The following EPN2 variants were observed in gnomAD, a reference collection of about 807,000 sequenced individuals.
EPN2 encodes epsin 2.
A neutral mutation model predicts 61.7 loss-of-function variants in EPN2; 34 were observed. The ratio of observed to expected loss-of-function variants is 0.55; its 90% CI spans 0.42 to 0.73. EPN2 has a LOEUF of 0.73. Among genes scored for constraint, EPN2 ranks in the 30% least tolerant of loss-of-function variants. The probability of loss-of-function intolerance (pLI) is 0.00; values close to 1 mark genes in which losing one functional copy is unlikely to be tolerated. For missense variants in EPN2, 714 were observed against 839.2 expected, an observed-to-expected ratio of 0.85 and a Z score of 1.84; for synonymous variants, 349 against 353.6, an observed-to-expected ratio of 0.99 and a Z score of 0.15.
intron 1 of EPN2, among the ~76,000 whole-genome samples, chr17:19,242,525 C>G (rs1371714759): frequency 6.6e-6 from 1 of 152,192 alleles, no homozygotes; most frequent in African/African-American, 2.4e-5. Context: ...ACTCATTCCC[C>G]TAGTACCTAG....
At chr17:19,309,840 A>G in intron 4 of EPN2, 45 bp from the exon 5 acceptor site, 1 of 1,512,096 alleles carries the variant, frequency 6.6e-7, no homozygotes, top group South Asian at 1.1e-5. Flanking sequence ...CAGGAGCTGT[A>G]TCAGCCTTGT....
At chr17:19,273,565 G>C (rs1212239478) in intron 1 of EPN2, among the ~76,000 whole-genome samples, 4 of 152,000 alleles carry the variant, frequency 2.6e-5, no homozygotes, top group East Asian at 1.9e-4. Flanking sequence ...GGTCTTGCTA[G>C]GTTGTCCAGG....
chr17:19,263,283 G>T (rs1042719263), intron 1 of EPN2, among the ~76,000 whole-genome samples: 7 of 152,166 alleles, frequency 4.6e-5, no homozygotes, highest in Non-Finnish European at 1.0e-4. Flanking sequence ...GAAATACTTG[G>T]TGACTAGGAT....
At chr17:19,249,908 T>C (rs1329545653) in intron 1 of EPN2, among the ~76,000 whole-genome samples, 1 of 152,112 alleles carries the variant, frequency 6.6e-6, no homozygotes, top group Non-Finnish European at 1.5e-5. Context: ...TGAGGCCTTT[T>C]GTGTTCCTTG....
intron 4 of EPN2, among the ~76,000 whole-genome samples, chr17:19,292,620 A>G (rs1014567393): frequency 2.0e-5 from 3 of 152,266 alleles, no homozygotes; most frequent in African/African-American, 7.2e-5. Flanking sequence ...TTATTGACAC[A>G]TCTATCCAAG....
intron 4 of EPN2, chr17:19,308,649 G>C (rs1905971945): frequency 1.0e-6 from 1 of 985,326 alleles, no homozygotes; most frequent in South Asian, 4.7e-5. Flanking sequence ...GGAGACCCGG[G>C]AGGAGGACAG....
intron 7 of EPN2, among the ~76,000 whole-genome samples, chr17:19,322,104 A>AT (rs939079296): frequency 5.7e-4 from 86 of 152,142 alleles, no homozygotes; most frequent in African/African-American, 2.0e-3. Context: ...GGGGAGGACG[A>AT]TCTGCATGAG....
chr17:19,241,863 A>G (rs1597964110), intron 1 of EPN2, among the ~76,000 whole-genome samples: 1 of 152,148 alleles, frequency 6.6e-6, no homozygotes, highest in Non-Finnish European at 1.5e-5. Context: ...CCAGGATTCA[A>G]AGTGAATCTG....
intron 6 of EPN2, among the ~76,000 whole-genome samples, chr17:19,312,571 A>G (rs992891708): frequency 2.6e-5 from 4 of 152,186 alleles, no homozygotes; most frequent in African/African-American, 9.7e-5. Flanking sequence ...TGACAAGCTC[A>G]TCATCATCCA....
chr17:19,301,073 C>T (rs192455485), intron 4 of EPN2, among the ~76,000 whole-genome samples: 57 of 152,164 alleles, frequency 3.7e-4, no homozygotes, highest in African/African-American at 1.2e-3. Flanking sequence ...AGCAAAGGCT[C>T]GAGGCAGGAA....
rs1453567306 is a variant in EPN2 at position 19,277,866 on chromosome 17, A to T, written c.-293-4089A>T. Among the ~76,000 whole-genome samples the T allele has an allele frequency of 2.0e-5, 3 of 152,088 alleles. No homozygotes were observed. The East Asian group carries it at 5.8e-4, about 29-fold the overall frequency. On this transcript the variant is annotated intron_variant, in intron 1 of 10. Coordinates refer to ENST00000314728, the MANE Select transcript of EPN2 (RefSeq NM_014964.5). ...GGTGGGCGGATCACGAGGTCAGGAG[A>T]TCGAGACCATCCTGGCTAACACGGT...
intron 6 of EPN2, 34 bp from the exon 7 acceptor site, chr17:19,313,071 A>G: frequency 1.2e-6 from 2 of 1,604,078 alleles, no homozygotes; most frequent in African/African-American, 1.3e-5. Context: ...ACTGTAGCAT[A>G]GTAAAACCTG....
At chr17:19,333,824 G>A in intron 10 of EPN2, 132 bp from the exon 11 acceptor site, 1 of 626,060 alleles carries the variant, frequency 1.6e-6, no homozygotes, top group South Asian at 2.9e-5. Context: ...GTCTGCCATG[G>A]ACTCGGCCGG....
chr17:19,315,119 G>A (rs9325967), intron 7 of EPN2, among the ~76,000 whole-genome samples: 146,178 of 152,262 alleles, frequency 0.96, 70,573 homozygotes, highest in African/African-American at 0.99. Flanking sequence ...ATATTGTTTG[G>A]CTTGTTTACC....
intron 4 of EPN2, among the ~76,000 whole-genome samples, chr17:19,300,142 G>A (rs149539472): frequency 6.6e-6 from 1 of 152,288 alleles, no homozygotes; most frequent in East Asian, 1.9e-4. Context: ...TACCCCCAAT[G>A]TCCGGAGAAG....
At chr17:19,305,393 GACATCATT>G (rs1050052265) in intron 4 of EPN2, among the ~76,000 whole-genome samples, 2 of 152,152 alleles carry the variant, frequency 1.3e-5, no homozygotes, top group African/African-American at 4.8e-5. Context: ...AAAGTGCTGT[GACATCATT>G]ACAAGCATGA....
intron 7 of EPN2, among the ~76,000 whole-genome samples, chr17:19,318,330 A>T (rs573320354): frequency 5.9e-5 from 9 of 151,546 alleles, no homozygotes; most frequent in Non-Finnish European, 1.3e-4. Context: ...TGGGCGGATC[A>T]CGAGGTCAAG....
chr17:19,240,457 G>A (rs1320574777), intron 1 of EPN2, among the ~76,000 whole-genome samples: 1 of 152,148 alleles, frequency 6.6e-6, no homozygotes, highest in Non-Finnish European at 1.5e-5. Flanking sequence ...TGCTGGCCAG[G>A]CTGATCTCGA....
chr17:19,286,312 C>T (rs541128481), intron 4 of EPN2, among the ~76,000 whole-genome samples: 1 of 152,146 alleles, frequency 6.6e-6, no homozygotes, highest in South Asian at 2.1e-4. Flanking sequence ...TGCTGTTCTT[C>T]CTGAAATCCC....
Sources: gnomAD v4.1 joint callset for allele counts (sites outside exome capture counted in the v4.1 genomes callset) on GRCh38, gnomAD v4.1.1 for gene constraint, MANE v1.5 for transcripts, NCBI Gene and HGNC (gene_info 2026-07-23, HGNC 2026-07-21) for gene names.